The following ABCA13 variants were observed in gnomAD, a reference collection of about 807,000 sequenced individuals.
The protein encoded by ABCA13 is ATP-binding cassette sub-family A member 13.
In ABCA13, 476 loss-of-function variants were observed where a neutral mutation model predicts 478.7. The ratio of observed to expected loss-of-function variants is 0.99; its 90% CI spans 0.92 to 1.07. The LOEUF (loss-of-function observed/expected upper bound fraction) is 1.07, where lower values mean the gene tolerates loss of function less well. Among genes scored for constraint, ABCA13 ranks in the 50% least tolerant of loss-of-function variants. ABCA13 has a pLI of 0.00. For missense variants in ABCA13, 6,060 were observed against 5,910.6 expected, an observed-to-expected ratio of 1.03 and a Z score of -0.83; for synonymous variants, 2,252 against 2,158.9, an observed-to-expected ratio of 1.04 and a Z score of -1.20.
chr7:48,600,282 T>C (rs992818795), intron 58 of ABCA13, among the ~76,000 whole-genome samples: 10 of 152,180 alleles, frequency 6.6e-5, no homozygotes, highest in African/African-American at 2.4e-4. Flanking sequence ...TTCATATTCT[T>C]TTACTTTCAA....
rs1795231183 is a variant in ABCA13 at position 48,643,285 on chromosome 7, C to T, written c.14838-3C>T. On this transcript the variant is annotated splice_region_variant and splice_polypyrimidine_tract_variant and intron_variant, in intron 59 of 61. Coordinates refer to ENST00000435803, the MANE Select transcript of ABCA13 (RefSeq NM_152701.5). ...TCATGTTTCTATTTTATTTAACTCT[C>T]AGGTTTGGTGATGGTTATACAGTCA... 2 of 1,582,044 alleles carry T rather than the reference C, an allele frequency of 1.3e-6. No individual in the cohort carries two copies. Among genetic ancestry groups the T allele is most frequent in the African/African-American group, 1.4e-5 (1 of 73,666 alleles).
intron 44 of ABCA13, 66 bp downstream of exon 44, chr7:48,467,111 C>A (rs1165694121): frequency 4.2e-6 from 6 of 1,427,488 alleles, no homozygotes; most frequent in Non-Finnish European, 5.9e-6. Flanking sequence ...CCTGGGAGGA[C>A]TGTTTTTCTT....
At chr7:48,208,908 C>A (rs2128937697) in intron 3 of ABCA13, among the ~76,000 whole-genome samples, 1 of 152,172 alleles carries the variant, frequency 6.6e-6, no homozygotes, top group East Asian at 1.9e-4. Flanking sequence ...CTTCAGTTTT[C>A]CCCTGTTCAG....
At chr7:48,411,800 G>A (rs1292776592) in intron 40 of ABCA13, among the ~76,000 whole-genome samples, 2 of 152,162 alleles carry the variant, frequency 1.3e-5, no homozygotes, top group African/African-American at 4.8e-5. Context: ...TTCAGGGTGT[G>A]TGGGAAATCA....
intron 58 of ABCA13, among the ~76,000 whole-genome samples, chr7:48,609,309 TA>T (rs1345167709): frequency 6.6e-6 from 1 of 152,164 alleles, no homozygotes; most frequent in Admixed American, 6.5e-5. Context: ...TCACATTAAA[TA>T]TATATATATT....
chr7:48,580,910 C>T (rs1191391379), intron 56 of ABCA13, among the ~76,000 whole-genome samples: 2 of 152,082 alleles, frequency 1.3e-5, no homozygotes, highest in South Asian at 4.2e-4. Context: ...AACTGAGACC[C>T]CCACCTCCAT....
At chr7:48,511,864 C>A (rs1370019623) in intron 51 of ABCA13, among the ~76,000 whole-genome samples, 2 of 152,032 alleles carry the variant, frequency 1.3e-5, no homozygotes, top group African/African-American at 2.4e-5. Flanking sequence ...TACTTCAAGG[C>A]TATTTTAAAA....
chr7:48,446,523 G>A (rs995174041), intron 42 of ABCA13, among the ~76,000 whole-genome samples: 35 of 151,842 alleles, frequency 2.3e-4, no homozygotes, highest in Admixed American at 1.7e-3. Flanking sequence ...TTAATTCTCT[G>A]TATTTCATTT....
At position 48,411,310 on chromosome 7, in the gene ABCA13, T is replaced by TTTTCTTTTCTTTTCTTTTCTTTTC. The variant is rs1554500227; in HGVS notation, c.12228+650_12228+651insTCTTTTCTTTCTTTTCTTTTCTTT. Among the ~76,000 whole-genome samples the TTTTCTTTTCTTTTCTTTTCTTTTC allele has an allele frequency of 5.4e-3, 656 of 122,002 alleles. 21 individuals carry two copies. The highest frequency in any genetic ancestry group is 7.8e-3 in the Non-Finnish European group (448 of 57,128). 80.0% of individuals were successfully genotyped at this position (122,002 alleles called of 152,430 possible). ...TCCTTCCTTCTTTTCTTTTCTTTTC[T>TTTTCTTTTCTTTTCTTTTCTTTTC]TTTCTTTTCTTTTCTTTCAATGGAG... On this transcript the variant is annotated intron_variant, in intron 40 of 61. Coordinates refer to ENST00000435803, the MANE Select transcript of ABCA13 (RefSeq NM_152701.5).
At chr7:48,277,969 G>A (rs1796516747) in intron 17 of ABCA13, 125 bp from the exon 18 acceptor site, 1 of 291,034 alleles carries the variant, frequency 3.4e-6, no homozygotes, top group Non-Finnish European at 6.0e-6. Context: ...CTTTTGCTCA[G>A]TATTATCTTC....
intron 59 of ABCA13, among the ~76,000 whole-genome samples, chr7:48,632,906 T>C (rs1413451544): frequency 3.9e-5 from 6 of 152,068 alleles, no homozygotes. Context: ...TCTCACACAG[T>C]TAATACAAAA....
intron 29 of ABCA13, among the ~76,000 whole-genome samples, chr7:48,346,448 A>T (rs777686638): frequency 3.3e-5 from 5 of 152,060 alleles, no homozygotes; most frequent in Non-Finnish European, 7.4e-5. Flanking sequence ...ACACAGATAC[A>T]GTAGAAAAAT....
chr7:48,639,804 G>A (rs1278969120), intron 59 of ABCA13, among the ~76,000 whole-genome samples: 7 of 152,058 alleles, frequency 4.6e-5, no homozygotes. Context: ...ATTTTTAGAG[G>A]CAATGTGACA....
intron 15 of ABCA13, among the ~76,000 whole-genome samples, chr7:48,258,042 A>C (rs1366281248): frequency 6.7e-6 from 1 of 149,650 alleles, no homozygotes; most frequent in Admixed American, 6.7e-5. Flanking sequence ...TCCTGCCTCA[A>C]CCTCCCTAGT....
intron 19 of ABCA13, 106 bp from the exon 20 acceptor site, chr7:48,287,854 T>C: frequency 1.2e-6 from 1 of 811,806 alleles, no homozygotes; most frequent in East Asian, 2.5e-5. Flanking sequence ...TAAGAAATGT[T>C]TAGGAATTTG....
At chr7:48,465,154 A>T (rs550272595) in intron 43 of ABCA13, among the ~76,000 whole-genome samples, 1 of 152,330 alleles carries the variant, frequency 6.6e-6, no homozygotes, top group East Asian at 1.9e-4. Flanking sequence ...GGATTCAAAT[A>T]CTATTTCAAA....
intron 48 of ABCA13, among the ~76,000 whole-genome samples, chr7:48,506,074 A>G (rs755138142): frequency 1.3e-4 from 20 of 152,216 alleles, no homozygotes; most frequent in Non-Finnish European, 2.5e-4. Flanking sequence ...ATGAGAACCT[A>G]TGAACATAGG....
At chr7:48,580,010 C>A (rs1788557296) in intron 55 of ABCA13, among the ~76,000 whole-genome samples, 1 of 152,132 alleles carries the variant, frequency 6.6e-6, no homozygotes, top group Admixed American at 6.5e-5. Context: ...TCTCAGTTGC[C>A]TTTAGCTCAA....
At chr7:48,237,971 G>A (rs969973230) in intron 8 of ABCA13, among the ~76,000 whole-genome samples, 1 of 152,146 alleles carries the variant, frequency 6.6e-6, no homozygotes, top group African/African-American at 2.4e-5. Flanking sequence ...AAAACATCAG[G>A]GACCCTGTGC....
Sources: gnomAD v4.1 joint callset for allele counts (sites outside exome capture counted in the v4.1 genomes callset) on GRCh38, gnomAD v4.1.1 for gene constraint, MANE v1.5 for transcripts, NCBI Gene and HGNC (gene_info 2026-07-23, HGNC 2026-07-21) for gene names.